DNAI2: variants seen among roughly 807,000 people sequenced by gnomAD.
DNAI2 encodes dynein axonemal intermediate chain 2.
DNAI2 carries 63 observed loss-of-function variants against 74.7 expected under a neutral mutation model. That is an observed-to-expected ratio of 0.84 (90% CI 0.69 to 1.04). The LOEUF (loss-of-function observed/expected upper bound fraction) is 1.04. Ranked by LOEUF, DNAI2 falls within the 50% of genes least tolerant of loss-of-function variation. The pLI is 0.00. For missense variants in DNAI2, 688 were observed against 803.2 expected (o/e 0.86, Z 1.73); for synonymous variants, 289 against 314.9 (o/e 0.92, Z 0.87).
rs191638292 is a variant in DNAI2 at position 74,314,173 on chromosome 17, C to T, written c.1775C>T (p.Ala592Val). 3.4e-5 allele frequency: 55 copies of T among 1,614,136 alleles called. No individual in the cohort carries two copies. Among genetic ancestry groups the T allele is most frequent in the Non-Finnish European group, 4.3e-5 (51 of 1,179,990 alleles). The change falls in exon 13 of 14, where the codon GCG becomes GTG. Residue 592 changes from alanine (A) to valine (V), a missense_variant. By Grantham distance (64) the Ala-to-Val change is moderately conservative (BLOSUM62 0). Coordinates refer to ENST00000311014, the MANE Select transcript of DNAI2 (RefSeq NM_023036.6). ...DQVVEEGEEA[A>V]GEEGDEEVEE... is the part of the protein sequence containing the mutation. ...GTGGTGGAGGAGGGAGAGGAAGCAG[C>T]GGGGGAAGAAGGGGATGAAGAAGTG...
intron 12 of DNAI2, 122 bp from the exon 13 acceptor site, chr17:74,313,999 G>C: frequency 6.5e-7 from 1 of 1,540,952 alleles, no homozygotes; most frequent in South Asian, 1.1e-5. Context: ...GTTCCAGGGT[G>C]CTCAGCGACC....
intron 1 of DNAI2, among the ~76,000 whole-genome samples, chr17:74,277,372 G>A (rs560084585): frequency 2.2e-4 from 29 of 130,614 alleles, no homozygotes; most frequent in African/African-American, 8.1e-4. Context: ...ACGACAGAGC[G>A]AGAATCCATC....
At chr17:74,276,127 C>A (rs2051060717) in intron 1 of DNAI2, among the ~76,000 whole-genome samples, 1 of 149,970 alleles carries the variant, frequency 6.7e-6, no homozygotes, top group South Asian at 2.1e-4. Flanking sequence ...GCCTTCCTCC[C>A]AGCTTGGAAA....
At chr17:74,292,537 C>T (rs887977199) in intron 6 of DNAI2, among the ~76,000 whole-genome samples, 8 of 151,576 alleles carry the variant, frequency 5.3e-5, no homozygotes, top group Admixed American at 6.6e-5. Flanking sequence ...CCACCCCAGC[C>T]TCCCGAGTAG....
chr17:74,289,827 G>A, intron 5 of DNAI2, 91 bp downstream of exon 5: 1 of 1,554,594 alleles, frequency 6.4e-7, no homozygotes, highest in South Asian at 1.1e-5. Flanking sequence ...AGGAGGTCAA[G>A]GACACTCACG....
chr17:74,282,614 C>A (rs908316820), intron 2 of DNAI2, among the ~76,000 whole-genome samples: 3 of 152,122 alleles, frequency 2.0e-5, no homozygotes, highest in African/African-American at 7.2e-5. Flanking sequence ...GAGAGATATT[C>A]TGAGGGAGCA....
At chr17:74,307,615 A>T (rs112626441) in intron 9 of DNAI2, among the ~76,000 whole-genome samples, 11,029 of 152,098 alleles carry the variant, frequency 0.073, 865 homozygotes, top group African/African-American at 0.2. Context: ...ACCAGCCGAG[A>T]TTGCGCCACT....
At chr17:74,306,247 A>G (rs2053185948) in intron 9 of DNAI2, among the ~76,000 whole-genome samples, 1 of 152,240 alleles carries the variant, frequency 6.6e-6, no homozygotes, top group African/African-American at 2.4e-5. Context: ...AGACAGAGCT[A>G]TGAGCACAAT....
At chr17:74,294,433 C>T (rs2052316489) in intron 6 of DNAI2, among the ~76,000 whole-genome samples, 1 of 152,076 alleles carries the variant, frequency 6.6e-6, no homozygotes, top group Non-Finnish European at 1.5e-5. Context: ...CCTCAGCCTC[C>T]TGAGTGGTTG....
chr17:74,290,698 C>A (rs1340873729), intron 5 of DNAI2, among the ~76,000 whole-genome samples: 3 of 152,188 alleles, frequency 2.0e-5, no homozygotes, highest in African/African-American at 7.2e-5. Context: ...AGAGAGTTGA[C>A]TTTGTGTAAA....
chr17:74,294,482 T>A (rs948767906), intron 6 of DNAI2, among the ~76,000 whole-genome samples: 2 of 151,956 alleles, frequency 1.3e-5, no homozygotes, highest in African/African-American at 2.4e-5. Context: ...GCTACTTTTT[T>A]ATTTTTTAAT....
Position 74,305,372 on chromosome 17 carries a change from C to T in DNAI2, c.1141C>T (p.Leu381=). The T allele has an allele frequency of 6.2e-7, 1 of 1,614,202 alleles. No homozygotes were observed. The highest frequency in any genetic ancestry group is 8.5e-7 in the Non-Finnish European group (1 of 1,180,046). ...QRNPFYPKNF[L]TVGDWTARIW... Reference sequence around the variant, plus strand: ...AAACCCCTTCTACCCGAAGAACTTCCTGACGGTTGGCGACTGGACAGCCCG... The same window carrying T: ...AAACCCCTTCTACCCGAAGAACTTCTTGACGGTTGGCGACTGGACAGCCCG... Residue 381 remains leucine, a synonymous_variant, in exon 9 of 14, where the codon CTG becomes TTG. Coordinates refer to ENST00000311014, the MANE Select transcript of DNAI2 (RefSeq NM_023036.6).
chr17:74,291,293 T>A (rs2052083524), intron 6 of DNAI2, among the ~76,000 whole-genome samples, 160 bp downstream of exon 6: 1 of 152,150 alleles, frequency 6.6e-6, no homozygotes. Flanking sequence ...CCCGAGTCGC[T>A]GAGATTACAG....
chr17:74,278,062 G>C lies in DNAI2; in HGVS notation c.-12+3717G>C, dbSNP rs150126294. 3.3e-4 allele frequency among the ~76,000 whole-genome samples: 50 copies of C among 152,362 alleles called. No individual in the cohort carries two copies. In the East Asian group the frequency reaches 9.3e-3, roughly 28 times the overall value. ...ACTAACAATCACTGCTTTAGAGCCA[G>C]ACATGCCTGGTGGTTCTGCCTGAAC... is the stretch of plus-strand genomic sequence containing the variant. On this transcript the variant is annotated intron_variant, in intron 1 of 13. Coordinates refer to ENST00000311014, the MANE Select transcript of DNAI2 (RefSeq NM_023036.6).
intron 11 of DNAI2, among the ~76,000 whole-genome samples, chr17:74,311,714 G>A (rs564137462): frequency 5.9e-5 from 9 of 152,224 alleles, no homozygotes; most frequent in Middle Eastern, 3.2e-3. Context: ...GCTGGTCCTT[G>A]TTGGGCCAAA....
At chr17:74,281,305 C>G (rs1377896177) in intron 1 of DNAI2, among the ~76,000 whole-genome samples, 1 of 151,924 alleles carries the variant, frequency 6.6e-6, no homozygotes, top group African/African-American at 2.4e-5. Flanking sequence ...GTCACCCATG[C>G]TGGAGTGCAA....
chr17:74,287,897 G>C (rs368834672), intron 4 of DNAI2, among the ~76,000 whole-genome samples: 168 of 151,776 alleles, frequency 1.1e-3, no homozygotes, highest in African/African-American at 3.7e-3. Flanking sequence ...GGAGGTTGCA[G>C]TGAGCCGAGA....
At position 74,314,141 on chromosome 17, in the gene DNAI2, A is replaced by C. The variant is rs2053692827; in HGVS notation, c.1743A>C (p.Glu581Asp). Reference protein sequence around the residue: ...TPVPQQPSPEEDQVVEEGEEA... With the variant: ...TPVPQQPSPEDDQVVEEGEEA... ...TGCAGCAGCAACCAAGTCCAGAAGA[A>C]GACCAGGTGGTGGAGGAGGGAGAGG... Residue 581 changes from glutamate to aspartate, a missense_variant, in exon 13 of 14, where the codon GAA becomes GAC. By Grantham distance (45) the Glu-to-Asp change is conservative (BLOSUM62 2). Coordinates refer to ENST00000311014, the MANE Select transcript of DNAI2 (RefSeq NM_023036.6). The C allele has an allele frequency of 1.2e-6, 2 of 1,614,084 alleles. No homozygotes were observed. Among genetic ancestry groups the C allele is most frequent in the South Asian group, 2.2e-5 (2 of 91,094 alleles).
At chr17:74,305,544 G>T in intron 9 of DNAI2, 102 bp downstream of exon 9, 1 of 1,088,304 alleles carries the variant, frequency 9.2e-7, no homozygotes, top group South Asian at 1.5e-5. Context: ...TATGTAAAAT[G>T]GAGAAAAACC....
Sources: gnomAD v4.1 joint callset for allele counts (sites outside exome capture counted in the v4.1 genomes callset) on GRCh38, gnomAD v4.1.1 for gene constraint, MANE v1.5 for transcripts, NCBI Gene and HGNC (gene_info 2026-07-23, HGNC 2026-07-21) for gene names.